The following MINDY2 variants were observed in gnomAD, a reference collection of about 807,000 sequenced individuals.
The protein encoded by MINDY2 is MINDY lysine 48 deubiquitinase 2, also known as ubiquitin carboxyl-terminal hydrolase MINDY-2.
A neutral mutation model predicts 68.2 loss-of-function variants in MINDY2; 52 were observed. The observed-to-expected ratio is 0.76, with a 90% CI of 0.61 to 0.96. The LOEUF is 0.96. Among genes scored for constraint, MINDY2 ranks in the 40% least tolerant of loss-of-function variants. The pLI, the probability that MINDY2 is intolerant of heterozygous loss-of-function variation, is 0.00. For missense variants in MINDY2, 881 were observed against 773.4 expected (o/e 1.14, Z -1.65); for synonymous variants, 372 against 303.0 (o/e 1.23, Z -2.36).
chr15:58,778,301 C>A (rs1245342121), intron 1 of MINDY2, among the ~76,000 whole-genome samples: 16 of 152,062 alleles, frequency 1.1e-4, no homozygotes, highest in African/African-American at 2.7e-4. Flanking sequence ...GGAAACACAT[C>A]TCCTTTCCTT....
chr15:58,810,867 G>A (rs985561383), intron 4 of MINDY2, among the ~76,000 whole-genome samples: 1 of 152,190 alleles, frequency 6.6e-6, no homozygotes, highest in African/African-American at 2.4e-5. Flanking sequence ...ATACCCTCCT[G>A]GAACTGATGT....
chr15:58,812,114 A>C (rs756643082), intron 4 of MINDY2, among the ~76,000 whole-genome samples: 13 of 152,214 alleles, frequency 8.5e-5, no homozygotes, highest in Non-Finnish European at 1.8e-4. Context: ...ATTTTGAGGT[A>C]ATTATAGATT....
chr15:58,817,878 C>CT (rs1341005807), intron 4 of MINDY2: 2 of 152,190 alleles, frequency 1.3e-5, no homozygotes, highest in Non-Finnish European at 2.9e-5. Flanking sequence ...CTAAGCATTC[C>CT]TTAAGACTCA....
intron 5 of MINDY2, among the ~76,000 whole-genome samples, chr15:58,823,449 G>T (rs2031200359): frequency 6.6e-6 from 1 of 151,968 alleles, no homozygotes; most frequent in African/African-American, 2.4e-5. Context: ...TGAGGCGGGA[G>T]GATTGCTTGA....
chr15:58,814,115 T>C (rs1000457031), intron 4 of MINDY2, among the ~76,000 whole-genome samples: 3 of 151,808 alleles, frequency 2.0e-5, no homozygotes, highest in African/African-American at 7.3e-5. Context: ...TTTTTTTGTA[T>C]TTTTAGTAGA....
At position 58,847,373 on chromosome 15, in the gene MINDY2, T is replaced by C; in HGVS notation, c.1445T>C (p.Val482Ala). 2 of 1,609,660 alleles carry C rather than the reference T, an allele frequency of 1.2e-6. No individual in the cohort carries two copies. Among genetic ancestry groups the C allele is most frequent in the East Asian group, 2.2e-5 (1 of 44,750 alleles). ...EKVVWESLHN[V>A]DGDGNFCDSE... ...GTTGTTTGGGAAAGCCTACACAACG[T>C]AGATGGTGATGGAAATTTCTGTGAC... Residue 482 changes from valine to alanine, a missense_variant, in exon 7 of 9, where the codon GTA becomes GCA. Physicochemically the swap from Val to Ala is moderately conservative, Grantham distance 64. Coordinates refer to ENST00000559228, the MANE Select transcript of MINDY2 (RefSeq NM_001040450.3).
intron 2 of MINDY2, among the ~76,000 whole-genome samples, chr15:58,795,688 G>T (rs1166491220): frequency 2.0e-5 from 3 of 152,204 alleles, no homozygotes; most frequent in Non-Finnish European, 1.5e-5. Flanking sequence ...ACAGGCGTGA[G>T]CCACTGCGCC....
intron 6 of MINDY2, among the ~76,000 whole-genome samples, chr15:58,845,700 A>G (rs1215732235): frequency 2.0e-5 from 3 of 152,206 alleles, no homozygotes; most frequent in South Asian, 2.1e-4. Flanking sequence ...TCCTAAGAAT[A>G]TACTCAAAAG....
intron 4 of MINDY2, among the ~76,000 whole-genome samples, chr15:58,819,981 A>G (rs1050039202): frequency 6.6e-6 from 1 of 152,160 alleles, no homozygotes; most frequent in Non-Finnish European, 1.5e-5. Context: ...TGTTTAAGAT[A>G]TGGGCCAGGC....
chr15:58,781,901 CAAAAA>C (rs1901173290), intron 1 of MINDY2, among the ~76,000 whole-genome samples: 2 of 144,544 alleles, frequency 1.4e-5, no homozygotes, highest in African/African-American at 5.2e-5. Context: ...GACTCCATCT[CAAAAA>C]AGAAAAAAAA....
intron 1 of MINDY2, among the ~76,000 whole-genome samples, chr15:58,783,675 C>T (rs921256120): frequency 2.6e-5 from 4 of 152,080 alleles, no homozygotes; most frequent in Non-Finnish European, 5.9e-5. Flanking sequence ...GGCTTACACC[C>T]GTAATCCCAG....
chr15:58,785,764 C>A (rs1271986212), intron 1 of MINDY2, among the ~76,000 whole-genome samples: 1 of 152,088 alleles, frequency 6.6e-6, no homozygotes, highest in Non-Finnish European at 1.5e-5. Flanking sequence ...GAAGCCTCCG[C>A]CTCCCGGGTT....
rs368279818 is a variant in MINDY2 at position 58,833,668 on chromosome 15, A to G, written c.1368+1752A>G. ...GATGTGCATATACATAAACATCGCA[A>G]TGCCTTAAGGAGCAGTATTGCTGCC... On this transcript the variant is annotated intron_variant, in intron 6 of 8. Transcript: ENST00000559228. 4.6e-5 allele frequency among the ~76,000 whole-genome samples: 7 copies of G among 152,270 alleles called. No individual in the cohort carries two copies. The East Asian group carries it at 5.8e-4, about 13-fold the overall frequency.
rs1370979582 is a variant in MINDY2 at position 58,771,708 on chromosome 15, C to A, written c.313C>A (p.Gln105Lys). ...TGCCGCCGAGGCGCCTCTGAGAGGG[C>A]AGTACAAGGTGACCGCCTCCCCGGA... ...PAAAEAPLRGQYKVTASPETA... is the reference protein window; with the variant it reads ...PAAAEAPLRGKYKVTASPETA... The change falls in exon 1 of 9, where the codon CAG (glutamine) becomes AAG (lysine). Residue 105 changes from glutamine (Q) to lysine (K), a missense_variant. Coordinates refer to ENST00000559228, the MANE Select transcript of MINDY2 (RefSeq NM_001040450.3). 6.2e-7 allele frequency: 1 copy of A among 1,612,216 alleles called. No homozygotes were observed. The highest frequency in any genetic ancestry group is 1.3e-5 in the African/African-American group (1 of 75,042).
chr15:58,796,737 G>A (rs1355559201), intron 2 of MINDY2, among the ~76,000 whole-genome samples: 1 of 152,140 alleles, frequency 6.6e-6, no homozygotes, highest in Non-Finnish European at 1.5e-5. Flanking sequence ...TGGCCGGGCT[G>A]GTCTTGAATT....
Position 58,771,337 on chromosome 15 carries a change from G to A in MINDY2, c.-59G>A, listed in dbSNP as rs542358731. On this transcript the variant is annotated 5_prime_UTR_variant, in exon 1 of 9. Transcript: ENST00000559228. The stretch of plus-strand genomic sequence containing the variant: ...CCAATACAGCTGTCATGGCGTCCAA[G>A]GCGCTGGCTGCGGAGAAGTGGCCGC... 4.5e-6 allele frequency: 7 copies of A among 1,552,026 alleles called. No individual in the cohort carries two copies. The South Asian group carries it at 7.1e-5, about 16-fold the overall frequency.
chr15:58,785,321 T>C (rs1436587121), intron 1 of MINDY2, among the ~76,000 whole-genome samples: 1 of 152,218 alleles, frequency 6.6e-6, no homozygotes, highest in East Asian at 1.9e-4. Flanking sequence ...CTGACTTTGC[T>C]TGTAAGTAAG....
At chr15:58,846,384 G>C (rs1159084992) in intron 6 of MINDY2, among the ~76,000 whole-genome samples, 1 of 152,038 alleles carries the variant, frequency 6.6e-6, no homozygotes, top group African/African-American at 2.4e-5. Flanking sequence ...ACGAGGTCAG[G>C]AGATCGAGAC....
intron 2 of MINDY2, among the ~76,000 whole-genome samples, chr15:58,791,926 C>T (rs535996006): frequency 2.0e-5 from 3 of 151,950 alleles, no homozygotes; most frequent in East Asian, 3.9e-4. Context: ...GAGAAAGAGC[C>T]GGCACGGTCA....
Sources: allele counts gnomAD v4.1 joint callset (sites outside exome capture counted in the v4.1 genomes callset), GRCh38; gene constraint gnomAD v4.1.1; transcripts MANE v1.5; gene names NCBI Gene and HGNC (gene_info 2026-07-23, HGNC 2026-07-21).